The following PARD3B variants were observed in gnomAD, a reference collection of about 807,000 sequenced individuals.
PARD3B encodes partitioning defective 3 homolog B.
A neutral mutation model predicts 130.2 loss-of-function variants in PARD3B; 103 were observed. The ratio of observed to expected loss-of-function variants is 0.79; its 90% CI spans 0.67 to 0.93. The LOEUF (loss-of-function observed/expected upper bound fraction) is 0.93, where lower values mean the gene tolerates loss of function less well. PARD3B is among the 40% of genes least tolerant of loss of function. The pLI, the probability that PARD3B is intolerant of heterozygous loss-of-function variation, is 0.00. For missense variants in PARD3B, 1,609 were observed against 1,499.2 expected, an observed-to-expected ratio of 1.07 and a Z score of -1.21; for synonymous variants, 583 against 553.2, an observed-to-expected ratio of 1.05 and a Z score of -0.76.
intron 2 of PARD3B, among the ~76,000 whole-genome samples, chr2:204,719,842 C>T (rs1238117088): frequency 6.6e-6 from 1 of 152,044 alleles, no homozygotes; most frequent in African/African-American, 2.4e-5. Context: ...TCATTTGAAA[C>T]TTTGAATACT....
intron 22 of PARD3B, among the ~76,000 whole-genome samples, chr2:205,586,954 C>T (rs968973734): frequency 3.9e-5 from 6 of 152,110 alleles, no homozygotes; most frequent in East Asian, 1.9e-4. Context: ...TCAAATTTTT[C>T]GTAACAACCT....
At chr2:204,899,586 AGTT>A (rs1485191470) in intron 2 of PARD3B, among the ~76,000 whole-genome samples, 4 of 152,144 alleles carry the variant, frequency 2.6e-5, no homozygotes, top group Non-Finnish European at 2.9e-5. Flanking sequence ...TGTCTTGAAA[AGTT>A]GTTGTTATTA....
At chr2:204,775,619 C>T (rs762333387) in intron 2 of PARD3B, among the ~76,000 whole-genome samples, 14 of 152,142 alleles carry the variant, frequency 9.2e-5, no homozygotes, top group Non-Finnish European at 1.8e-4. Context: ...ATGATGATCC[C>T]ATTTTCTCTG....
chr2:205,504,966 A>C (rs1262759529), intron 21 of PARD3B, among the ~76,000 whole-genome samples: 1 of 152,334 alleles, frequency 6.6e-6, no homozygotes, highest in South Asian at 2.1e-4. Flanking sequence ...CACTATTCAC[A>C]ATAGCAAAGA....
At chr2:205,469,701 A>G (rs2106252627) in intron 20 of PARD3B, among the ~76,000 whole-genome samples, 1 of 152,338 alleles carries the variant, frequency 6.6e-6, no homozygotes, top group East Asian at 1.9e-4. Flanking sequence ...GACTCCTGGT[A>G]TTGCTCTCTA....
At chr2:204,771,567 AC>A (rs1253488433) in intron 2 of PARD3B, among the ~76,000 whole-genome samples, 2 of 152,112 alleles carry the variant, frequency 1.3e-5, no homozygotes, top group Non-Finnish European at 2.9e-5. Flanking sequence ...CCTGTAGGGT[AC>A]TATGCTCACC....
At chr2:205,200,086 A>G (rs1308699411) in intron 15 of PARD3B, among the ~76,000 whole-genome samples, 1 of 152,092 alleles carries the variant, frequency 6.6e-6, no homozygotes, top group Non-Finnish European at 1.5e-5. Context: ...AAAATGTTTT[A>G]CATATAGGTT....
rs1446007538 is a variant in PARD3B at position 205,470,556 on chromosome 2, T to C, written c.3045-29340T>C. Among the ~76,000 whole-genome samples the C allele has an allele frequency of 6.6e-6, 1 of 152,208 alleles. No individual in the cohort carries two copies. The highest frequency in any genetic ancestry group is 1.5e-5 in the Non-Finnish European group (1 of 68,032). On this transcript the variant is annotated intron_variant, in intron 20 of 22. Transcript: ENST00000406610. This position sits in a 1 kb window ranked among gnomAD's most constrained non-coding sequence, Gnocchi z 4.8. Reference sequence around the variant, plus strand: ...TCTCTTTTGTCCATTCAGGTTGTCCTGTCTAGATAATGAGAATTTAAGTTA... The same window carrying C: ...TCTCTTTTGTCCATTCAGGTTGTCCCGTCTAGATAATGAGAATTTAAGTTA...
At chr2:204,929,302 T>C (rs2125772384) in intron 2 of PARD3B, among the ~76,000 whole-genome samples, 1 of 152,276 alleles carries the variant, frequency 6.6e-6, no homozygotes, top group African/African-American at 2.4e-5. Context: ...GGACACACGC[T>C]TCACTGACAT....
intron 2 of PARD3B, among the ~76,000 whole-genome samples, chr2:204,763,852 A>C (rs2041014928): frequency 6.6e-6 from 1 of 152,230 alleles, no homozygotes; most frequent in Non-Finnish European, 1.5e-5. Flanking sequence ...AATGTGTATG[A>C]TTGTTGATTA....
intron 3 of PARD3B, among the ~76,000 whole-genome samples, chr2:205,044,695 G>T (rs1483860771): frequency 1.3e-5 from 2 of 152,254 alleles, no homozygotes; most frequent in East Asian, 3.9e-4. Context: ...ATAGAGTCTG[G>T]ATATTAGCCC....
At chr2:205,115,543 A>G (rs1027431550) in intron 6 of PARD3B, among the ~76,000 whole-genome samples, 23 of 152,200 alleles carry the variant, frequency 1.5e-4, no homozygotes, top group Non-Finnish European at 5.9e-5. Flanking sequence ...TTAACTGTTC[A>G]GTAACTTGGT....
At chr2:205,218,809 G>T (rs1351215994) in intron 15 of PARD3B, among the ~76,000 whole-genome samples, 1 of 152,138 alleles carries the variant, frequency 6.6e-6, no homozygotes, top group Non-Finnish European at 1.5e-5. Context: ...GCTGGGCATG[G>T]TGGCTCATGG....
chr2:205,125,882 T>A lies in PARD3B; in HGVS notation c.1434+145T>A. 9.8e-6 allele frequency: 11 copies of A among 1,125,574 alleles called. No homozygotes were observed. Among genetic ancestry groups the A allele is most frequent in the Non-Finnish European group, 1.4e-5 (11 of 797,074 alleles). 69.7% of individuals were successfully genotyped at this position (1,125,574 alleles called of 1,614,324 possible). A position where few individuals can be genotyped will look rare whatever the true frequency, so the allele number is the denominator to read the frequency against. ...TCACACTCAGGGTATTTTACCCCAT[T>A]TGGGGTATCGCATTTTTAAAACATT... On this transcript the variant is annotated intron_variant, in intron 10 of 22. Transcript: ENST00000406610. The surrounding 1 kb of genome is among the most constrained non-coding windows in gnomAD (Gnocchi z 4.0).
In PARD3B at chr2:205,590,436, A is replaced by T. The variant is rs1235750851; in HGVS notation, c.3261-25020A>T. 6.6e-6 allele frequency among the ~76,000 whole-genome samples: 1 copy of T among 152,118 alleles called. No individual in the cohort carries two copies. The highest frequency in any genetic ancestry group is 6.6e-5 in the Admixed American group (1 of 15,264). ...GGATCCTCTCATTTTAACATTTTCCACAGAAGTCCTAGGATCATCTCAGGT... is the reference window on the plus strand; with the variant it reads ...GGATCCTCTCATTTTAACATTTTCCTCAGAAGTCCTAGGATCATCTCAGGT... On this transcript the variant is annotated intron_variant, in intron 22 of 22. Coordinates refer to ENST00000406610, the MANE Select transcript of PARD3B (RefSeq NM_001302769.2). This position sits in a 1 kb window ranked among gnomAD's most constrained non-coding sequence, Gnocchi z 4.1.
chr2:205,136,789 G>C (rs565673072), intron 10 of PARD3B, among the ~76,000 whole-genome samples: 1 of 152,286 alleles, frequency 6.6e-6, no homozygotes, highest in Non-Finnish European at 1.5e-5. Context: ...TCTCTTCTAT[G>C]ATAATCAAAG....
chr2:205,113,440 C>A, intron 5 of PARD3B, 51 bp from the exon 6 acceptor site: 2 of 1,305,438 alleles, frequency 1.5e-6, no homozygotes, highest in Non-Finnish European at 1.1e-6. Flanking sequence ...GATGTGCTCC[C>A]TCTGTTTTTT....
intron 22 of PARD3B, among the ~76,000 whole-genome samples, chr2:205,565,691 C>T (rs1182159130): frequency 1.3e-5 from 2 of 152,114 alleles, no homozygotes; most frequent in Non-Finnish European, 2.9e-5. Context: ...AACTTATTAG[C>T]CTGAACAGAT....
intron 3 of PARD3B, among the ~76,000 whole-genome samples, chr2:205,032,895 G>A (rs1697526819): frequency 6.6e-6 from 1 of 152,182 alleles, no homozygotes; most frequent in Admixed American, 6.5e-5. Flanking sequence ...CAGGATGCCT[G>A]AAATTGACTT....
Sources: allele counts gnomAD v4.1 joint callset (sites outside exome capture counted in the v4.1 genomes callset), GRCh38; gene constraint gnomAD v4.1.1; non-coding constraint Gnocchi (gnomAD v3.1); transcripts MANE v1.5; gene names NCBI Gene and HGNC (gene_info 2026-07-23, HGNC 2026-07-21).